The following RBFOX3 variants were observed in gnomAD, a reference collection of about 807,000 sequenced individuals.
RBFOX3 encodes RNA binding protein fox-1 homolog 3.
A neutral mutation model predicts 48.7 loss-of-function variants in RBFOX3; 17 were observed. The observed-to-expected ratio is 0.35, with a 90% CI of 0.24 to 0.52. The LOEUF (loss-of-function observed/expected upper bound fraction) is 0.52. Ranked by LOEUF, RBFOX3 falls within the 20% of genes least tolerant of loss-of-function variation. RBFOX3 has a pLI of 0.94. For missense variants in RBFOX3, 382 were observed against 497.5 expected (o/e 0.77, Z 2.21); for synonymous variants, 212 against 209.5 (o/e 1.01, Z -0.10).
rs553170591 is a variant in RBFOX3 at position 79,535,433 on chromosome 17, C to T, written c.-319-52835G>A. Among the ~76,000 whole-genome samples the T allele has an allele frequency of 2.2e-4, 34 of 152,282 alleles. No homozygotes were observed. In the South Asian group the frequency reaches 6.2e-3, roughly 28 times the overall value. On this transcript the variant is annotated intron_variant, in intron 1 of 14. Transcript: ENST00000693108. The surrounding 1 kb of genome is among the most constrained non-coding windows in gnomAD (Gnocchi z 4.5). ...GCAAAGCTCATTCCTACCTGTCCTC[C>T]GGAGAGTGTCACAAGGGGACAGCGG...
rs943092370 is a variant in RBFOX3, at chr17:79,535,066, C to G, written c.-319-52468G>C. ...ACCTGACCCAAACTGGCTGAAGCCACGAGGAAGCGTGCCAGTCACATGACG... is the reference window on the plus strand; with the variant it reads ...ACCTGACCCAAACTGGCTGAAGCCAGGAGGAAGCGTGCCAGTCACATGACG... On this transcript the variant is annotated intron_variant, in intron 1 of 14. Transcript: ENST00000693108. This position sits in a 1 kb window ranked among gnomAD's most constrained non-coding sequence, Gnocchi z 4.5. 6.6e-6 allele frequency among the ~76,000 whole-genome samples: 1 copy of G among 152,214 alleles called. No individual in the cohort carries two copies. Among genetic ancestry groups the G allele is most frequent in the African/African-American group, 2.4e-5 (1 of 41,446 alleles).
chr17:79,457,781 G>A (rs2074765840), intron 2 of RBFOX3, among the ~76,000 whole-genome samples: 1 of 152,248 alleles, frequency 6.6e-6, no homozygotes, highest in Non-Finnish European at 1.5e-5. Context: ...GGGAGGTGCA[G>A]GAAAACCCTT....
intron 2 of RBFOX3, among the ~76,000 whole-genome samples, chr17:79,317,046 G>C (rs1209916322): frequency 1.3e-5 from 2 of 152,122 alleles, no homozygotes; most frequent in South Asian, 4.1e-4. Context: ...TTCAAAGAAA[G>C]GAGCTGACCC....
At chr17:79,176,114 A>T (rs546429396) in intron 4 of RBFOX3, among the ~76,000 whole-genome samples, 12 of 152,070 alleles carry the variant, frequency 7.9e-5, no homozygotes, top group African/African-American at 2.9e-4. Context: ...CTCCAGGAGG[A>T]ATTTGCGGAA....
chr17:79,240,286 T>C (rs1431891389), intron 3 of RBFOX3, among the ~76,000 whole-genome samples: 1 of 152,202 alleles, frequency 6.6e-6, no homozygotes, highest in East Asian at 1.9e-4. Flanking sequence ...GCAAGACAAC[T>C]GGCCAGAAAA....
At chr17:79,411,591 G>T (rs1301904262) in intron 2 of RBFOX3, among the ~76,000 whole-genome samples, 1 of 152,112 alleles carries the variant, frequency 6.6e-6, no homozygotes, top group African/African-American at 2.4e-5. Context: ...GTAAGCCCCT[G>T]CCTGCCAGCC....
intron 2 of RBFOX3, among the ~76,000 whole-genome samples, chr17:79,460,494 C>T (rs2075238433): frequency 6.6e-6 from 1 of 152,214 alleles, no homozygotes; most frequent in Non-Finnish European, 1.5e-5. Flanking sequence ...AGGGCCACGC[C>T]CTCAGCCTCA....
chr17:79,219,965 G>A (rs538420519), intron 4 of RBFOX3, among the ~76,000 whole-genome samples: 3 of 150,752 alleles, frequency 2.0e-5, no homozygotes, highest in East Asian at 2.0e-4. Context: ...GTCTGCATCC[G>A]AGGCCCACCT....
intron 2 of RBFOX3, among the ~76,000 whole-genome samples, chr17:79,359,724 A>G (rs2085928662): frequency 8.3e-6 from 1 of 120,162 alleles, no homozygotes; most frequent in Admixed American, 9.0e-5. Flanking sequence ...GCACTTCGTA[A>G]TTTGGGTCAT....
At chr17:79,293,084 T>C (rs11654261) in intron 3 of RBFOX3, among the ~76,000 whole-genome samples, 14,407 of 152,174 alleles carry the variant, frequency 0.095, 713 homozygotes, top group East Asian at 0.2. Flanking sequence ...ATGCCTCATA[T>C]GTATATTATA....
chr17:79,175,618 G>A (rs964793520), intron 4 of RBFOX3, among the ~76,000 whole-genome samples: 3 of 152,202 alleles, frequency 2.0e-5, no homozygotes, highest in African/African-American at 7.2e-5. Context: ...CTCCTGCCCC[G>A]CTGCCCTGGC....
In RBFOX3 at chr17:79,198,835, G is replaced by A. The variant is rs1599931588; in HGVS notation, c.-34+36931C>T. 6.6e-6 allele frequency among the ~76,000 whole-genome samples: 1 copy of A among 152,054 alleles called. No individual in the cohort carries two copies. The highest frequency in any genetic ancestry group is 2.1e-4 in the South Asian group (1 of 4,816). The stretch of plus-strand genomic sequence containing the variant: ...GTAGAGATGGCGTTTCATCATGTTG[G>A]CCAGGCTAATCTCGAACTCCTGACC... On this transcript the variant is annotated intron_variant, in intron 4 of 14. Transcript: ENST00000693108. The surrounding 1 kb of genome is among the most constrained non-coding windows in gnomAD (Gnocchi z 8.2).
chr17:79,517,847 C>T (rs1363028556), intron 1 of RBFOX3, among the ~76,000 whole-genome samples: 5 of 152,176 alleles, frequency 3.3e-5, no homozygotes, highest in Non-Finnish European at 7.3e-5. Context: ...CTTCAGGAGC[C>T]GCCTCGCCTG....
intron 1 of RBFOX3, among the ~76,000 whole-genome samples, chr17:79,568,483 T>C (rs1431989380): frequency 6.6e-6 from 1 of 152,026 alleles, no homozygotes; most frequent in Non-Finnish European, 1.5e-5. Flanking sequence ...AAATCCAAAA[T>C]CTGAAATACT....
intron 1 of RBFOX3, among the ~76,000 whole-genome samples, chr17:79,550,210 G>A (rs1196034516): frequency 6.6e-6 from 1 of 152,182 alleles, no homozygotes; most frequent in African/African-American, 2.4e-5. Context: ...AAGAGGGCCC[G>A]AGGGCATCCC....
intron 2 of RBFOX3, among the ~76,000 whole-genome samples, chr17:79,322,100 GAC>G (rs1251356036): frequency 6.6e-6 from 1 of 152,150 alleles, no homozygotes; most frequent in East Asian, 1.9e-4. Context: ...TATAAAAAGT[GAC>G]ACAGAGAAAC....
intron 2 of RBFOX3, among the ~76,000 whole-genome samples, chr17:79,336,817 G>C (rs914962942): frequency 6.6e-6 from 1 of 152,242 alleles, no homozygotes; most frequent in African/African-American, 2.4e-5. Flanking sequence ...CAATTAAAAA[G>C]GCACAATAAA....
intron 3 of RBFOX3, among the ~76,000 whole-genome samples, chr17:79,304,852 G>A (rs1019639393): frequency 6.6e-6 from 1 of 152,196 alleles, no homozygotes; most frequent in East Asian, 1.9e-4. Context: ...AGAGCTGGCC[G>A]TGACACGGGT....
intron 1 of RBFOX3, among the ~76,000 whole-genome samples, chr17:79,575,591 GA>G (rs1402965715): frequency 6.6e-6 from 1 of 152,176 alleles, no homozygotes; most frequent in Non-Finnish European, 1.5e-5. Context: ...AAGTGCACAG[GA>G]AGAAGAAGGA....
Sources: gnomAD v4.1 joint callset for allele counts (sites outside exome capture counted in the v4.1 genomes callset) on GRCh38, gnomAD v4.1.1 for gene constraint, Gnocchi (gnomAD v3.1) non-coding constraint, MANE v1.5 for transcripts, NCBI Gene and HGNC (gene_info 2026-07-23, HGNC 2026-07-21) for gene names.